Variants in NTRK3 observed in about 807,000 individuals in gnomAD.
NTRK3 encodes NT-3 growth factor receptor.
Under a neutral mutation model 91.7 loss-of-function variants are expected in NTRK3, and 24 were observed. That is an observed-to-expected ratio of 0.26 (90% CI 0.19 to 0.37). The LOEUF is 0.37. NTRK3 is among the 10% of genes least tolerant of loss of function. The probability of loss-of-function intolerance (pLI) is 1.00; values close to 1 mark genes in which losing one functional copy is unlikely to be tolerated. For missense variants in NTRK3, 880 were observed against 1,068.9 expected (o/e 0.82, Z 2.46); for synonymous variants, 483 against 404.0 (o/e 1.20, Z -2.34).
chr15:87,871,921 A>G (rs1002532821), exon 19 of NTRK3: 3 of 221,654 alleles, frequency 1.4e-5, no homozygotes, highest in African/African-American at 6.7e-5. Flanking sequence ...AATGATGCAT[A>G]AACTTGGAAT....
chr15:88,098,487 G>T (rs1027558999), intron 13 of NTRK3: 4 of 212,004 alleles, frequency 1.9e-5, no homozygotes, highest in South Asian at 1.9e-4. Flanking sequence ...TAAGGCGCTT[G>T]GACAAGGATA....
chr15:87,885,590 A>G, intron 17 of NTRK3, 104 bp downstream of exon 18: 1 of 618,976 alleles, frequency 1.6e-6, no homozygotes, highest in Admixed American at 3.6e-5. Context: ...CCAGAGGCAG[A>G]CCCATGTATA....
chr15:87,924,717 C>A (rs578113958), intron 17 of NTRK3, among the ~76,000 whole-genome samples: 1 of 152,332 alleles, frequency 6.6e-6, no homozygotes, highest in African/African-American at 2.4e-5. Flanking sequence ...CTAGGTTTCT[C>A]TTGGTCTGGA....
At chr15:88,184,173 G>A (rs1448808420) in intron 4 of NTRK3, 52 bp downstream of exon 4, 1 of 1,574,134 alleles carries the variant, frequency 6.4e-7, no homozygotes, top group South Asian at 1.1e-5. Context: ...CAGACCAGGT[G>A]GCATCCACCC....
chr15:87,973,141 C>T (rs892307593), intron 14 of NTRK3, among the ~76,000 whole-genome samples: 1 of 152,150 alleles, frequency 6.6e-6, no homozygotes, highest in Non-Finnish European at 1.5e-5. Context: ...AGATCTAGCT[C>T]TCTCAGGCAC....
At chr15:87,928,115 G>A (rs2068484861) in intron 17 of NTRK3, 1 of 152,248 alleles carries the variant, frequency 6.6e-6, no homozygotes, top group Non-Finnish European at 1.5e-5. Context: ...GAGTAGCTGG[G>A]ACTACAGGCA....
At chr15:88,126,406 A>T in intron 12 of NTRK3, 33 bp from the exon 13 acceptor site, 1 of 1,479,782 alleles carries the variant, frequency 6.8e-7, no homozygotes, top group Non-Finnish European at 9.4e-7. Context: ...AGTCAGCAAC[A>T]ATCACAGAAA....
chr15:87,883,330 C>A (rs1423595763), intron 17 of NTRK3, among the ~76,000 whole-genome samples: 1 of 146,760 alleles, frequency 6.8e-6, no homozygotes, highest in Admixed American at 6.8e-5. Flanking sequence ...AGTTTATGCT[C>A]CAATTAATAT....
exon 2 of NTRK3, chr15:88,256,404 C>T (rs941166818): frequency 3.5e-6 from 2 of 576,344 alleles, no homozygotes; most frequent in African/African-American, 3.9e-5. Flanking sequence ...GCGCGGTCTG[C>T]CGGGCATGGT....
exon 19 of NTRK3, chr15:87,870,181 T>TACAC (rs58874538): frequency 0.028 from 4,716 of 168,150 alleles, 107 homozygotes; most frequent in African/African-American, 0.074. Flanking sequence ...GAAACTGTGG[T>TACAC]ACACACACAC....
intron 15 of NTRK3, among the ~76,000 whole-genome samples, chr15:87,935,050 A>G (rs2141974671): frequency 6.6e-6 from 1 of 152,288 alleles, no homozygotes; most frequent in East Asian, 1.9e-4. Context: ...TGGGGAAGTA[A>G]CTTGCCAAAG....
At chr15:87,984,435 T>G (rs1034631700) in intron 14 of NTRK3, among the ~76,000 whole-genome samples, 1 of 152,202 alleles carries the variant, frequency 6.6e-6, no homozygotes, top group African/African-American at 2.4e-5. Flanking sequence ...TTTCCTTGGG[T>G]GTAGTTATCG....
chr15:88,198,534 A>AT (rs1386349396), intron 3 of NTRK3, among the ~76,000 whole-genome samples: 3 of 152,088 alleles, frequency 2.0e-5, no homozygotes, highest in Admixed American at 6.5e-5. Context: ...TTCCTGAGAA[A>AT]TTTTTCTAGG....
In NTRK3 at chr15:88,205,603, A is replaced by C. The variant is rs190268256; in HGVS notation, c.249-21304T>G. ...CTCTATTTCCTGAGCACTGAAAGGT[A>C]ACCCAACTGCACACAGCCCGCTTCT... On this transcript the variant is annotated intron_variant, in intron 3 of 18. Transcript: ENST00000394480. 2.3e-3 allele frequency among the ~76,000 whole-genome samples: 346 copies of C among 152,294 alleles called. 6 individuals carry two copies. In the East Asian group the frequency reaches 0.023, roughly 10 times the overall value.
chr15:88,079,122 G>A (rs2047821232), intron 13 of NTRK3, among the ~76,000 whole-genome samples: 1 of 152,232 alleles, frequency 6.6e-6, no homozygotes, highest in Non-Finnish European at 1.5e-5. Context: ...AGCCTTCACA[G>A]CTGTGGAGCA....
Position 87,902,397 on chromosome 15 carries a change from A to T in NTRK3, c.2134-21969T>A, listed in dbSNP as rs114435736. On this transcript the variant is annotated intron_variant, in intron 17 of 18. Transcript: ENST00000394480. ...CCCAGATAATGTGTTCAACTGTGGC[A>T]GCATTTGTCATCATAATTTTCAAAA... Among the ~76,000 whole-genome samples, 363 of 152,352 alleles carry T rather than the reference A, an allele frequency of 2.4e-3. 3 individuals are homozygous for T. The highest frequency in any genetic ancestry group is 8.3e-3 in the African/African-American group (347 of 41,570).
intron 14 of NTRK3, among the ~76,000 whole-genome samples, chr15:88,006,762 G>A (rs770789400): frequency 1.3e-5 from 2 of 152,206 alleles, no homozygotes; most frequent in Non-Finnish European, 2.9e-5. Flanking sequence ...AGAGAAGTAC[G>A]CAGAGGCACA....
chr15:88,009,209 T>C (rs1206201300), intron 14 of NTRK3, among the ~76,000 whole-genome samples: 1 of 152,242 alleles, frequency 6.6e-6, no homozygotes, highest in African/African-American at 2.4e-5. Context: ...ATGATGATGA[T>C]ATTAGCTAAC....
At chr15:87,951,849 G>A (rs117884407) in intron 14 of NTRK3, among the ~76,000 whole-genome samples, 2,527 of 152,268 alleles carry the variant, frequency 0.017, 44 homozygotes, top group Non-Finnish European at 0.022. Flanking sequence ...AGACTTGGCC[G>A]GGTGTGGTGG....
Sources: allele counts gnomAD v4.1 joint callset (sites outside exome capture counted in the v4.1 genomes callset), GRCh38; gene constraint gnomAD v4.1.1; transcripts MANE v1.5; gene names NCBI Gene and HGNC (gene_info 2026-07-23, HGNC 2026-07-21).